The following NFIA variants were observed in gnomAD, a reference collection of about 807,000 sequenced individuals.
The protein encoded by NFIA is nuclear factor 1 A-type.
Under a neutral mutation model 62.8 loss-of-function variants are expected in NFIA, and 8 were observed. The observed-to-expected ratio is 0.13, with a 90% CI of 0.07 to 0.23. The LOEUF (loss-of-function observed/expected upper bound fraction) is 0.23. Among genes scored for constraint, NFIA ranks in the 10% least tolerant of loss-of-function variants. NFIA has a pLI of 1.00. For missense variants in NFIA, 410 were observed against 642.1 expected (o/e 0.64, Z 3.91); for synonymous variants, 235 against 238.1 (o/e 0.99, Z 0.12).
intron 2 of NFIA, among the ~76,000 whole-genome samples, chr1:61,157,543 A>G (rs572666496): frequency 2.8e-4 from 43 of 152,360 alleles, no homozygotes; most frequent in Middle Eastern, 3.4e-3. Flanking sequence ...CAGATTAGAA[A>G]GGAATGTTGA....
chr1:61,161,911 A>G (rs1471706363), intron 2 of NFIA, among the ~76,000 whole-genome samples: 1 of 152,192 alleles, frequency 6.6e-6, no homozygotes, highest in Non-Finnish European at 1.5e-5. Context: ...ATGATGGAAG[A>G]TTTTGCTCCA....
intron 3 of NFIA, among the ~76,000 whole-genome samples, chr1:61,327,906 C>T (rs1661042187): frequency 6.6e-6 from 1 of 152,056 alleles, no homozygotes; most frequent in South Asian, 2.1e-4. Context: ...TTCACCACAT[C>T]CATGCCAATA....
At chr1:61,397,213 A>G (rs944454958) in intron 7 of NFIA, among the ~76,000 whole-genome samples, 1 of 152,062 alleles carries the variant, frequency 6.6e-6, no homozygotes, top group African/African-American at 2.4e-5. Context: ...AGCAAAGACT[A>G]TTTGTCTAGG....
At chr1:61,246,627 T>C (rs1334911546) in intron 2 of NFIA, among the ~76,000 whole-genome samples, 1 of 152,166 alleles carries the variant, frequency 6.6e-6, no homozygotes, top group East Asian at 1.9e-4. Context: ...TGGAAGCAAC[T>C]ATCTTTGCGT....
chr1:61,232,767 T>A (rs1344517614), intron 2 of NFIA, among the ~76,000 whole-genome samples: 1 of 152,182 alleles, frequency 6.6e-6, no homozygotes, highest in East Asian at 1.9e-4. Context: ...AAACACTTTC[T>A]ACTTTCTTCC....
intron 2 of NFIA, among the ~76,000 whole-genome samples, chr1:61,180,717 T>G (rs1289972064): frequency 6.6e-6 from 1 of 152,164 alleles, no homozygotes; most frequent in Non-Finnish European, 1.5e-5. Context: ...TAACAAAGAT[T>G]CAGCTTCTAT....
At chr1:61,097,911 A>G (rs1419635833) in intron 2 of NFIA, among the ~76,000 whole-genome samples, 1 of 152,206 alleles carries the variant, frequency 6.6e-6, no homozygotes, top group Non-Finnish European at 1.5e-5. Flanking sequence ...ATTCTCATCA[A>G]CTTTTATGAA....
chr1:61,288,542 G>T (rs1658655251), intron 3 of NFIA, among the ~76,000 whole-genome samples: 1 of 152,158 alleles, frequency 6.6e-6, no homozygotes, highest in Non-Finnish European at 1.5e-5. Context: ...CAAAAATAAT[G>T]ATTTTTGGTG....
chr1:61,343,047 T>G (rs1662013991), intron 4 of NFIA, among the ~76,000 whole-genome samples: 1 of 152,246 alleles, frequency 6.6e-6, no homozygotes, highest in South Asian at 2.1e-4. Context: ...TATTTTTCAT[T>G]AACAAGCTCG....
chr1:61,290,087 T>C (rs1488683106), intron 3 of NFIA, among the ~76,000 whole-genome samples: 1 of 151,780 alleles, frequency 6.6e-6, no homozygotes, highest in East Asian at 1.9e-4. Flanking sequence ...GAACACTTTG[T>C]TCTTTTTTTC....
At chr1:61,086,620 T>TCAATC (rs1288332289) in intron 1 of NFIA, among the ~76,000 whole-genome samples, 1 of 152,130 alleles carries the variant, frequency 6.6e-6, no homozygotes, top group Non-Finnish European at 1.5e-5. Context: ...AAAAGTCAGT[T>TCAATC]ATTGAAGTAA....
intron 9 of NFIA, among the ~76,000 whole-genome samples, chr1:61,420,476 G>A (rs1011291336): frequency 3.3e-5 from 5 of 151,880 alleles, no homozygotes; most frequent in Non-Finnish European, 7.4e-5. Flanking sequence ...GCAACTGAAT[G>A]CTTCTTAGGC....
At chr1:61,235,516 TAAAAA>T (rs200539366) in intron 2 of NFIA, among the ~76,000 whole-genome samples, 1 of 142,604 alleles carries the variant, frequency 7.0e-6, no homozygotes, top group African/African-American at 2.7e-5. Flanking sequence ...AAATAAAAAA[TAAAAA>T]AAAATGAACA....
chr1:61,208,696 T>G (rs1238317590), intron 2 of NFIA, among the ~76,000 whole-genome samples: 1 of 152,212 alleles, frequency 6.6e-6, no homozygotes, highest in Non-Finnish European at 1.5e-5. Context: ...ACCTTATACG[T>G]AGTGGCTTGC....
chr1:61,351,274 A>T (rs536999156), intron 4 of NFIA, among the ~76,000 whole-genome samples: 1 of 152,298 alleles, frequency 6.6e-6, no homozygotes, highest in East Asian at 1.9e-4. Flanking sequence ...TTTCCGTTTA[A>T]GGGTAGGGAC....
At chr1:61,117,414 T>A (rs1049959005) in intron 2 of NFIA, among the ~76,000 whole-genome samples, 1 of 152,238 alleles carries the variant, frequency 6.6e-6, no homozygotes, top group Admixed American at 6.5e-5. Flanking sequence ...ATACCATTTT[T>A]TTTTCCTCCT....
rs141818384 is a variant in NFIA, at chr1:61,458,802, G to A, written c.*3482G>A. ...TACTGAAAAACCATTGTAAATGGACGTTACAGGTATGCTGTATTTTTGAAG... is the reference window on the plus strand; with the variant it reads ...TACTGAAAAACCATTGTAAATGGACATTACAGGTATGCTGTATTTTTGAAG... On this transcript the variant is annotated 3_prime_UTR_variant, in exon 11 of 11. Coordinates refer to ENST00000403491, the MANE Select transcript of NFIA (RefSeq NM_001134673.4). The A allele has an allele frequency of 3.4e-4, 51 of 151,160 alleles. No homozygotes were observed. The highest frequency in any genetic ancestry group is 3.1e-3 in the Admixed American group (47 of 15,142). 9.4% of individuals were successfully genotyped at this position (151,160 alleles called of 1,614,324 possible).
At chr1:61,121,922 T>G (rs1646893561) in intron 2 of NFIA, among the ~76,000 whole-genome samples, 1 of 152,090 alleles carries the variant, frequency 6.6e-6, no homozygotes, top group African/African-American at 2.4e-5. Context: ...GGAAAGCTAT[T>G]CCAGAAGGAG....
chr1:61,325,790 C>T (rs537154887), intron 3 of NFIA, among the ~76,000 whole-genome samples: 23 of 152,096 alleles, frequency 1.5e-4, no homozygotes, highest in South Asian at 1.0e-3. Context: ...TGGTGGCAGG[C>T]GCCTGTGGTT....
Sources: allele counts gnomAD v4.1 joint callset (sites outside exome capture counted in the v4.1 genomes callset), GRCh38; gene constraint gnomAD v4.1.1; transcripts MANE v1.5; gene names NCBI Gene and HGNC (gene_info 2026-07-23, HGNC 2026-07-21).